Variants in MAP2K1 observed in about 807,000 individuals in gnomAD.
MAP2K1 encodes the protein dual specificity mitogen-activated protein kinase kinase 1.
MAP2K1 carries 16 observed loss-of-function variants against 46.3 expected under a neutral mutation model. The ratio of observed to expected loss-of-function variants is 0.35; its 90% confidence interval spans 0.23 to 0.52. The LOEUF (loss-of-function observed/expected upper bound fraction) is 0.52, where lower values mean the gene tolerates loss of function less well. MAP2K1 is among the 20% of genes least tolerant of loss of function. The pLI is 0.94. For synonymous variants in MAP2K1, 183 were observed against 185.6 expected, an observed-to-expected ratio of 0.99 and a Z score of 0.11; for missense variants, 263 against 497.1, an observed-to-expected ratio of 0.53 and a Z score of 4.48.
intron 1 of MAP2K1, among the ~76,000 whole-genome samples, chr15:66,388,892 C>G (rs938070424): frequency 1.4e-5 from 2 of 144,558 alleles, no homozygotes; most frequent in African/African-American, 5.1e-5. Flanking sequence ...TATTGCATTG[C>G]AAACATTTGT....
chr15:66,405,552 A>G (rs566864677), intron 1 of MAP2K1, among the ~76,000 whole-genome samples: 1 of 152,346 alleles, frequency 6.6e-6, no homozygotes, highest in Non-Finnish European at 1.5e-5. Flanking sequence ...GAAAGGAAGT[A>G]ACGTTCAGCA....
intron 1 of MAP2K1, among the ~76,000 whole-genome samples, chr15:66,411,692 T>C (rs775805556): frequency 9.1e-4 from 139 of 152,366 alleles, no homozygotes; most frequent in Middle Eastern, 3.4e-3. Context: ...TCAGTGCGCT[T>C]TCAAGATTCA....
intron 10 of MAP2K1, chr15:66,490,273 A>G: frequency 1.5e-6 from 1 of 667,946 alleles, no homozygotes; most frequent in East Asian, 2.8e-5. Flanking sequence ...TCCATACTGC[A>G]CGAGTAGGCT....
chr15:66,482,693 G>T (rs1261610819), intron 6 of MAP2K1, among the ~76,000 whole-genome samples: 1 of 152,196 alleles, frequency 6.6e-6, no homozygotes, highest in African/African-American at 2.4e-5. Flanking sequence ...GGCCTGGCAT[G>T]TGGTAGGTGT....
At chr15:66,441,996 A>G (rs1450026752) in intron 3 of MAP2K1, among the ~76,000 whole-genome samples, 1 of 152,130 alleles carries the variant, frequency 6.6e-6, no homozygotes, top group East Asian at 1.9e-4. Context: ...CATTTCTTCA[A>G]GATCGCAGGT....
intron 5 of MAP2K1, among the ~76,000 whole-genome samples, chr15:66,447,206 A>G (rs538251229): frequency 6.6e-6 from 1 of 150,388 alleles, no homozygotes; most frequent in South Asian, 2.1e-4. Context: ...TGACTCCTGG[A>G]TGCATTTTTT....
Position 66,460,534 on chromosome 15 carries a change from A to T in MAP2K1, c.568+15827A>T. On this transcript the variant is annotated intron_variant, in intron 5 of 10. Coordinates refer to ENST00000307102, the MANE Select transcript of MAP2K1 (RefSeq NM_002755.4). ...AGTTGTCTACAACAAAGGGTTCCTG[A>T]TGGCAAGGGGTGAGAATTAAAGTAA... is the stretch of plus-strand genomic sequence containing the variant. 1.3e-5 allele frequency among the ~76,000 whole-genome samples: 2 copies of T among 152,208 alleles called. 1 individual carries two copies. The highest frequency in any genetic ancestry group is 3.8e-4 in the East Asian group (2 of 5,202).
intron 5 of MAP2K1, among the ~76,000 whole-genome samples, chr15:66,449,515 C>T (rs1891977003): frequency 6.6e-6 from 1 of 152,172 alleles, no homozygotes; most frequent in Admixed American, 6.5e-5. Flanking sequence ...AATAGAAACA[C>T]TAAATCTTGT....
intron 7 of MAP2K1, among the ~76,000 whole-genome samples, chr15:66,485,993 G>T (rs1023502486): frequency 2.0e-5 from 3 of 152,066 alleles, no homozygotes; most frequent in African/African-American, 7.2e-5. Flanking sequence ...TGACCTCTTG[G>T]GCTCAAGTGA....
chr15:66,392,243 T>G (rs1393802705), intron 1 of MAP2K1, among the ~76,000 whole-genome samples: 2 of 126,570 alleles, frequency 1.6e-5, no homozygotes, highest in African/African-American at 5.8e-5. Context: ...AATATTTGTG[T>G]GTTTTTTTTG....
intron 5 of MAP2K1, among the ~76,000 whole-genome samples, chr15:66,475,316 T>C (rs1355988753): frequency 6.6e-6 from 1 of 152,232 alleles, no homozygotes; most frequent in Non-Finnish European, 1.5e-5. Context: ...GTTTGAAGCC[T>C]AAAGTCGCCA....
chr15:66,415,266 C>T (rs574263154), intron 1 of MAP2K1: 29 of 380,674 alleles, frequency 7.6e-5, no homozygotes, highest in South Asian at 5.9e-4. Context: ...CACATTGAAT[C>T]ACCTTATTGG....
chr15:66,398,364 G>T (rs1763846150), intron 1 of MAP2K1, among the ~76,000 whole-genome samples: 1 of 152,046 alleles, frequency 6.6e-6, no homozygotes, highest in Non-Finnish European at 1.5e-5. Flanking sequence ...GCAGTGAGCG[G>T]TAATCGTGCC....
At chr15:66,444,844 G>GT (rs1411303154) in intron 5 of MAP2K1, 137 bp downstream of exon 5, 3 of 774,830 alleles carry the variant, frequency 3.9e-6, no homozygotes, top group Non-Finnish European at 6.6e-6. Context: ...AAAAGTCTTT[G>GT]TTTAGTTTGG....
intron 1 of MAP2K1, among the ~76,000 whole-genome samples, chr15:66,406,306 T>A (rs2140531432): frequency 6.6e-6 from 1 of 152,178 alleles, no homozygotes; most frequent in East Asian, 1.9e-4. Context: ...AAAGCCTCAG[T>A]GTGGATCATA....
intron 1 of MAP2K1, among the ~76,000 whole-genome samples, chr15:66,409,188 G>A (rs2093405429): frequency 6.6e-6 from 1 of 152,014 alleles, no homozygotes; most frequent in Non-Finnish European, 1.5e-5. Flanking sequence ...TGATACATGA[G>A]GAAACTGATT....
At chr15:66,473,890 C>T (rs1892697299) in intron 5 of MAP2K1, among the ~76,000 whole-genome samples, 1 of 152,102 alleles carries the variant, frequency 6.6e-6, no homozygotes, top group Admixed American at 6.6e-5. Context: ...CCACATTGCC[C>T]AGGCTGATCT....
At chr15:66,403,595 T>A (rs982601349) in intron 1 of MAP2K1, among the ~76,000 whole-genome samples, 1 of 152,162 alleles carries the variant, frequency 6.6e-6, no homozygotes, top group Admixed American at 6.5e-5. Flanking sequence ...TTAAATGCAT[T>A]TACTTTTCAG....
At chr15:66,426,108 T>A (rs2093457729) in intron 1 of MAP2K1, among the ~76,000 whole-genome samples, 1 of 151,728 alleles carries the variant, frequency 6.6e-6, no homozygotes, top group Admixed American at 6.6e-5. Flanking sequence ...CTCTTAGGTT[T>A]TAGACGGGGC....
Sources: gnomAD v4.1 joint callset for allele counts (sites outside exome capture counted in the v4.1 genomes callset) on GRCh38, gnomAD v4.1.1 for gene constraint, MANE v1.5 for transcripts, NCBI Gene and HGNC (gene_info 2026-07-23, HGNC 2026-07-21) for gene names.